The following FBXO11 variants were observed in gnomAD, a reference collection of about 807,000 sequenced individuals.
FBXO11 encodes F-box protein 11, also known as F-box only protein 11.
Under a neutral mutation model 117.0 loss-of-function variants are expected in FBXO11, and 13 were observed. The ratio of observed to expected loss-of-function variants is 0.11; its 90% CI spans 0.07 to 0.18. The LOEUF is 0.18. Ranked by LOEUF, FBXO11 falls within the 10% of genes least tolerant of loss-of-function variation. The probability of loss-of-function intolerance (pLI) is 1.00; values close to 1 mark genes in which losing one functional copy is unlikely to be tolerated. For synonymous variants in FBXO11, 490 were observed against 380.5 expected, an observed-to-expected ratio of 1.29 and a Z score of -3.35; for missense variants, 767 against 1,164.4, an observed-to-expected ratio of 0.66 and a Z score of 4.97.
chr2:47,810,422 G>T lies in FBXO11; in HGVS notation c.2232C>A (p.Leu744=), dbSNP rs1670531868. 1.9e-6 allele frequency: 3 copies of T among 1,595,666 alleles called. No homozygotes were observed. Among genetic ancestry groups the T allele is most frequent in the Non-Finnish European group, 1.7e-6 (2 of 1,166,746 alleles). ...TCCTGAAAATATCATTTTCTTCAAGGAGACCTATAATAAAATATTTCCTTA... is the reference window on the plus strand; with the variant it reads ...TCCTGAAAATATCATTTTCTTCAAGTAGACCTATAATAAAATATTTCCTTA... ...GICIFNGGRG[L]LEENDIFRNA... Residue 744 remains leucine, a synonymous_variant, in exon 19 of 23, where the codon CTC becomes CTA. Transcript: ENST00000403359.
intron 1 of FBXO11, among the ~76,000 whole-genome samples, chr2:47,849,719 G>C (rs1673708580): frequency 6.6e-6 from 1 of 152,190 alleles, no homozygotes; most frequent in Non-Finnish European, 1.5e-5. Context: ...TCTGAAGAAA[G>C]TCCAAGCTAA....
At chr2:47,879,675 A>G (rs567478459) in intron 1 of FBXO11, among the ~76,000 whole-genome samples, 34 of 152,196 alleles carry the variant, frequency 2.2e-4, no homozygotes, top group Non-Finnish European at 3.5e-4. Context: ...AAAATTACCA[A>G]TAAGTTTTGC....
At chr2:47,848,046 C>A (rs1052324416) in intron 1 of FBXO11, among the ~76,000 whole-genome samples, 1 of 151,364 alleles carries the variant, frequency 6.6e-6, no homozygotes, top group African/African-American at 2.4e-5. Context: ...ATGCTGTGAA[C>A]CCGGGAGGTG....
chr2:47,893,197 T>A (rs867616644), intron 1 of FBXO11, among the ~76,000 whole-genome samples: 47 of 134,864 alleles, frequency 3.5e-4, no homozygotes, highest in African/African-American at 1.1e-3. Context: ...TGGCAGAACA[T>A]ATACCAGACC....
chr2:47,869,408 A>T (rs1244243624), intron 1 of FBXO11, among the ~76,000 whole-genome samples: 1 of 152,242 alleles, frequency 6.6e-6, no homozygotes. Context: ...TTGACAACCA[A>T]GCGGTAACTA....
chr2:47,820,018 T>G (rs1294060387), intron 14 of FBXO11, among the ~76,000 whole-genome samples: 1 of 152,216 alleles, frequency 6.6e-6, no homozygotes, highest in Non-Finnish European at 1.5e-5. Context: ...GTAGTCATAC[T>G]CGTAAAATTC....
intron 21 of FBXO11, 67 bp from the exon 22 acceptor site, chr2:47,808,494 T>G (rs1206864539): frequency 1.8e-6 from 2 of 1,121,662 alleles, no homozygotes; most frequent in Non-Finnish European, 2.5e-6. Context: ...CCATTCTGTT[T>G]ATATATTACT....
At chr2:47,831,771 C>A (rs1358546925) in intron 11 of FBXO11, among the ~76,000 whole-genome samples, 1 of 152,144 alleles carries the variant, frequency 6.6e-6, no homozygotes, top group African/African-American at 2.4e-5. Flanking sequence ...ACTTAAAACA[C>A]AGTATATTCC....
intron 1 of FBXO11, among the ~76,000 whole-genome samples, chr2:47,848,384 A>G (rs1310970683): frequency 6.6e-6 from 1 of 152,122 alleles, no homozygotes. Context: ...TAGGTTGTGC[A>G]CTTCTTATGA....
At position 47,809,519 on chromosome 2, in the gene FBXO11, G is replaced by A. The variant is rs369879815; in HGVS notation, c.2446+81C>T. The A allele has an allele frequency of 4.5e-5, 45 of 997,728 alleles. 2 individuals carry two copies. The highest frequency in any genetic ancestry group is 2.6e-4 in the South Asian group (18 of 68,142). The allele number at this position is 997,728 out of a possible 1,614,324, so 61.8% of individuals were successfully genotyped here. The stretch of plus-strand genomic sequence containing the variant: ...GTTGCTAACTTGGAGAGTGACATAA[G>A]GAATCAAGTTATAAAACGGCTTCTG... On this transcript the variant is annotated intron_variant, in intron 20 of 22. Coordinates refer to ENST00000403359, the MANE Select transcript of FBXO11 (RefSeq NM_001190274.2).
chr2:47,905,723 G>A lies in FBXO11; in HGVS notation c.-3C>T. ...TTGGCGGCTCGGACGGAGTTCATTT[G>A]CCGGGCTGAGGTGGCGGCGTTGGCG... On this transcript the variant is annotated 5_prime_UTR_variant, in exon 1 of 23. Coordinates refer to ENST00000403359, the MANE Select transcript of FBXO11 (RefSeq NM_001190274.2). 1 of 1,525,348 alleles carries A rather than the reference G, an allele frequency of 6.6e-7. No individual in the cohort carries two copies. The highest frequency in any genetic ancestry group is 8.8e-7 in the Non-Finnish European group (1 of 1,138,940). The allele number at this position is 1,525,348 out of a possible 1,614,324, so 94.5% of individuals were successfully genotyped here. A position where few individuals can be genotyped will look rare whatever the true frequency, so the allele number is the denominator to read the frequency against.
At chr2:47,905,340 C>A (rs935761680) in intron 1 of FBXO11, 149 bp downstream of exon 1, 4 of 813,260 alleles carry the variant, frequency 4.9e-6, no homozygotes, top group Non-Finnish European at 6.3e-6. Flanking sequence ...GCTGACACTG[C>A]GGCACCGGGG....
chr2:47,810,917 CCT>C (rs1270144430), intron 18 of FBXO11: 18 of 152,410 alleles, frequency 1.2e-4, no homozygotes, highest in African/African-American at 4.3e-4. Context: ...TCTTATCATG[CCT>C]CTTTCTCTAA....
intron 1 of FBXO11, among the ~76,000 whole-genome samples, chr2:47,841,223 A>G (rs184358824): frequency 5.9e-5 from 9 of 152,260 alleles, no homozygotes; most frequent in Admixed American, 5.9e-4. Flanking sequence ...ACCAAAAAAC[A>G]AAACTGGTAA....
At chr2:47,811,950 C>A (rs1391825931) in intron 18 of FBXO11, among the ~76,000 whole-genome samples, 2 of 151,862 alleles carry the variant, frequency 1.3e-5, no homozygotes, top group African/African-American at 4.8e-5. Flanking sequence ...CACCCCCTGC[C>A]CCCCCAACCT....
chr2:47,822,426 CTTCA>C, intron 12 of FBXO11, 123 bp from the exon 13 acceptor site: 1 of 604,760 alleles, frequency 1.7e-6, no homozygotes, highest in South Asian at 2.2e-5. Flanking sequence ...GCCTCAATTT[CTTCA>C]TTATTTCTAA....
chr2:47,832,934 A>G (rs1266044740), intron 8 of FBXO11, 30 bp downstream of exon 8: 4 of 1,604,310 alleles, frequency 2.5e-6, no homozygotes, highest in African/African-American at 1.3e-5. Flanking sequence ...TATGATTTCA[A>G]TGTGTATTTT....
At chr2:47,893,404 T>C (rs1270933488) in intron 1 of FBXO11, among the ~76,000 whole-genome samples, 1 of 152,094 alleles carries the variant, frequency 6.6e-6, no homozygotes, top group African/African-American at 2.4e-5. Context: ...AACAGATCTG[T>C]GTATCTCTAT....
intron 11 of FBXO11, among the ~76,000 whole-genome samples, chr2:47,831,483 T>C (rs1672187591): frequency 6.7e-6 from 1 of 148,310 alleles, no homozygotes; most frequent in African/African-American, 2.5e-5. Flanking sequence ...TTTGTATAGA[T>C]GAATCCAACA....
Sources: gnomAD v4.1 joint callset for allele counts (sites outside exome capture counted in the v4.1 genomes callset) on GRCh38, gnomAD v4.1.1 for gene constraint, MANE v1.5 for transcripts, NCBI Gene and HGNC (gene_info 2026-07-23, HGNC 2026-07-21) for gene names.